The following IFT43 variants were observed in gnomAD, a reference collection of about 807,000 sequenced individuals.
IFT43 encodes intraflagellar transport 43.
IFT43 carries 33 observed loss-of-function variants against 32.3 expected under a neutral mutation model. The observed-to-expected ratio is 1.02, with a 90% CI of 0.77 to 1.37. The LOEUF is 1.37. Among genes scored for constraint, IFT43 ranks in the 40% most tolerant of loss-of-function variants. IFT43 has a pLI of 0.00. For synonymous variants in IFT43, 93 were observed against 98.2 expected (o/e 0.95, Z 0.31); for missense variants, 274 against 265.9 (o/e 1.03, Z -0.21).
chr14:76,012,267 T>C (rs955374441), intron 2 of IFT43, among the ~76,000 whole-genome samples: 16 of 152,300 alleles, frequency 1.1e-4, no homozygotes, highest in Admixed American at 9.8e-4. Context: ...AAGGCTCCTT[T>C]TTTGGCACTG....
intron 5 of IFT43, among the ~76,000 whole-genome samples, chr14:76,074,418 G>A (rs897932068): frequency 4.1e-4 from 63 of 152,102 alleles, no homozygotes; most frequent in African/African-American, 1.5e-3. Context: ...TCCGTTCTTC[G>A]TTTCCTTCAA....
At chr14:75,991,560 C>T (rs1738246522) in intron 2 of IFT43, among the ~76,000 whole-genome samples, 1 of 151,996 alleles carries the variant, frequency 6.6e-6, no homozygotes, top group Admixed American at 6.6e-5. Context: ...CAAATCAGCT[C>T]CTAGGCTGGG....
chr14:75,986,236 C>T (rs576789165), intron 1 of IFT43: 3 of 1,293,594 alleles, frequency 2.3e-6, no homozygotes, highest in East Asian at 5.4e-5. Flanking sequence ...GACACCTCGT[C>T]GCAGAAGTTC....
At chr14:76,058,807 C>A in intron 4 of IFT43, 133 bp downstream of exon 4, 1 of 1,576,344 alleles carries the variant, frequency 6.3e-7, no homozygotes, top group South Asian at 1.1e-5. Context: ...TTATTGATGC[C>A]TGCTGAATCC....
chr14:76,001,823 C>A (rs1220735591), intron 2 of IFT43, among the ~76,000 whole-genome samples: 1 of 152,142 alleles, frequency 6.6e-6, no homozygotes, highest in Admixed American at 6.5e-5. Flanking sequence ...GGTGGAAGGG[C>A]AAGAGGGCAT....
At chr14:76,082,825 C>T (rs2037536338) in intron 7 of IFT43, 133 bp downstream of exon 7, 6 of 767,874 alleles carry the variant, frequency 7.8e-6, no homozygotes, top group Middle Eastern at 4.6e-4. Context: ...GGCACCCATA[C>T]CTCTGCTGCA....
intron 5 of IFT43, among the ~76,000 whole-genome samples, chr14:76,071,818 G>A (rs544427573): frequency 6.6e-6 from 1 of 151,790 alleles, no homozygotes; most frequent in Non-Finnish European, 1.5e-5. Flanking sequence ...AGAATTTAGC[G>A]AGTGGCTCTT....
At position 75,999,258 on chromosome 14, in the gene IFT43, T is replaced by TTC. The variant is rs2035823193; in HGVS notation, c.147+10281_147+10282insTC. Among the ~76,000 whole-genome samples, 13 of 13,856 alleles carry TTC rather than the reference T, an allele frequency of 9.4e-4. 1 individual carries two copies. Among genetic ancestry groups the TTC allele is most frequent in the African/African-American group, 3.7e-3 (12 of 3,274 alleles). 9.1% of individuals were successfully genotyped at this position (13,856 alleles called of 152,430 possible). A position where few individuals can be genotyped will look rare whatever the true frequency, so the allele number is the denominator to read the frequency against. On this transcript the variant is annotated intron_variant, in intron 2 of 8. Coordinates refer to ENST00000314067, the MANE Select transcript of IFT43 (RefSeq NM_001102564.3). ...ATATATATATATATATATATATATA[T>TTC]ATATATATATATATGTATATATATT...
At chr14:76,056,065 A>G (rs2037008774) in intron 3 of IFT43, among the ~76,000 whole-genome samples, 1 of 152,242 alleles carries the variant, frequency 6.6e-6, no homozygotes. Context: ...CATTTTGGCA[A>G]TGAATTTACA....
chr14:76,058,957 T>C (rs1319996320), intron 4 of IFT43: 12 of 1,437,338 alleles, frequency 8.3e-6, no homozygotes, highest in Admixed American at 2.9e-5. Flanking sequence ...ATTATTGATA[T>C]AGATGGGCAG....
intron 3 of IFT43, among the ~76,000 whole-genome samples, chr14:76,035,385 A>G (rs1476414228): frequency 1.3e-5 from 2 of 152,320 alleles, no homozygotes; most frequent in Non-Finnish European, 2.9e-5. Flanking sequence ...CATCAAGGAC[A>G]TTAAGATGGC....
intron 5 of IFT43, among the ~76,000 whole-genome samples, chr14:76,079,706 C>A (rs1370522996): frequency 3.3e-5 from 5 of 152,128 alleles, no homozygotes; most frequent in Non-Finnish European, 7.4e-5. Context: ...TTCAAAAGTA[C>A]CAGAACCGAC....
intron 2 of IFT43, among the ~76,000 whole-genome samples, chr14:76,006,144 G>A (rs1404653972): frequency 1.3e-5 from 2 of 152,148 alleles, no homozygotes; most frequent in Non-Finnish European, 2.9e-5. Context: ...ACATGGGTAT[G>A]AAAGAGGCCC....
At chr14:76,038,315 G>C (rs965121738) in intron 3 of IFT43, among the ~76,000 whole-genome samples, 1 of 152,130 alleles carries the variant, frequency 6.6e-6, no homozygotes, top group African/African-American at 2.4e-5. Context: ...GGAGATGCTC[G>C]TGTGAACTCT....
At chr14:76,054,526 G>A (rs958218820) in intron 3 of IFT43, among the ~76,000 whole-genome samples, 1 of 152,208 alleles carries the variant, frequency 6.6e-6, no homozygotes, top group South Asian at 2.1e-4. Flanking sequence ...AGTGCCCAGC[G>A]TCCCTCTCTG....
intron 3 of IFT43, among the ~76,000 whole-genome samples, chr14:76,032,581 A>G (rs552207162): frequency 6.6e-6 from 1 of 152,288 alleles, no homozygotes; most frequent in South Asian, 2.1e-4. Context: ...ATCTGCTGCA[A>G]TGTAAGCTCT....
intron 2 of IFT43, among the ~76,000 whole-genome samples, chr14:75,997,829 AT>A (rs749861209): frequency 6.6e-6 from 1 of 152,238 alleles, no homozygotes; most frequent in Non-Finnish European, 1.5e-5. Flanking sequence ...TAGTTGCCTC[AT>A]AACTGGTCCC....
chr14:76,053,881 A>G (rs2036961212), intron 3 of IFT43, among the ~76,000 whole-genome samples: 1 of 152,168 alleles, frequency 6.6e-6, no homozygotes, highest in African/African-American at 2.4e-5. Context: ...AGTTTTCATG[A>G]ACACCACGTA....
At chr14:76,020,992 G>A (rs1213453974) in intron 2 of IFT43, among the ~76,000 whole-genome samples, 1 of 152,178 alleles carries the variant, frequency 6.6e-6, no homozygotes, top group Non-Finnish European at 1.5e-5. Context: ...GGCAGGCAGG[G>A]TAGGCCTATT....
Sources: allele counts gnomAD v4.1 joint callset (sites outside exome capture counted in the v4.1 genomes callset), GRCh38; gene constraint gnomAD v4.1.1; transcripts MANE v1.5; gene names NCBI Gene and HGNC (gene_info 2026-07-23, HGNC 2026-07-21).